SND1: variants seen among roughly 807,000 people sequenced by gnomAD.
SND1 encodes the protein staphylococcal nuclease domain-containing protein 1.
Under a neutral mutation model 121.7 loss-of-function variants are expected in SND1, and 38 were observed. That is an observed-to-expected ratio of 0.31 (90% CI 0.24 to 0.41). The LOEUF (loss-of-function observed/expected upper bound fraction) is 0.41. Ranked by LOEUF, SND1 falls within the 10% of genes least tolerant of loss-of-function variation. The pLI is 1.00. For synonymous variants in SND1, 401 were observed against 447.4 expected (o/e 0.90, Z 1.31); for missense variants, 868 against 1,184.6 (o/e 0.73, Z 3.92).
chr7:127,713,061 T>C (rs1248721136), intron 9 of SND1, among the ~76,000 whole-genome samples: 2 of 152,280 alleles, frequency 1.3e-5, no homozygotes, highest in Admixed American at 1.3e-4. Context: ...TCTAATATGT[T>C]GTAAAACAGG....
At chr7:127,759,891 CCT>C (rs1039733774) in intron 10 of SND1, among the ~76,000 whole-genome samples, 7 of 152,178 alleles carry the variant, frequency 4.6e-5, no homozygotes, top group African/African-American at 1.7e-4. Context: ...TATCATTTCC[CCT>C]GTGTGTAACA....
chr7:127,888,632 G>T (rs1799953959), intron 13 of SND1, among the ~76,000 whole-genome samples: 1 of 152,100 alleles, frequency 6.6e-6, no homozygotes, highest in Non-Finnish European at 1.5e-5. Flanking sequence ...CTTACTCAGG[G>T]AGTCTTTTGT....
intron 10 of SND1, among the ~76,000 whole-genome samples, chr7:127,736,473 A>T (rs913211551): frequency 1.3e-5 from 2 of 152,200 alleles, no homozygotes; most frequent in African/African-American, 4.8e-5. Flanking sequence ...ATTTTTGGAT[A>T]TATCAGTTAT....
intron 11 of SND1, among the ~76,000 whole-genome samples, chr7:127,817,774 A>T (rs77801229): frequency 0.027 from 2,227 of 83,960 alleles, 66 homozygotes; most frequent in African/African-American, 0.092. Flanking sequence ...TCTGTTCTGT[A>T]TTCCTGGTTC....
chr7:127,895,458 T>C (rs1422847165), intron 13 of SND1, among the ~76,000 whole-genome samples: 1 of 152,104 alleles, frequency 6.6e-6, no homozygotes, highest in Non-Finnish European at 1.5e-5. Context: ...AATGTCCTAA[T>C]GGCTTCCGTT....
intron 10 of SND1, among the ~76,000 whole-genome samples, chr7:127,725,569 A>G (rs1796567813): frequency 6.6e-6 from 1 of 152,280 alleles, no homozygotes; most frequent in Non-Finnish European, 1.5e-5. Context: ...TTGCGGAAAC[A>G]TGGAGTGCTT....
At chr7:127,974,097 G>T (rs1802061127) in intron 15 of SND1, among the ~76,000 whole-genome samples, 4 of 152,212 alleles carry the variant, frequency 2.6e-5, no homozygotes, top group Admixed American at 2.6e-4. Flanking sequence ...GTGTGTTCTG[G>T]CAGGGAAGAG....
intron 10 of SND1, among the ~76,000 whole-genome samples, chr7:127,730,777 T>C (rs1174412146): frequency 6.6e-6 from 1 of 152,236 alleles, no homozygotes; most frequent in Admixed American, 6.5e-5. Flanking sequence ...TTAGATAGTG[T>C]CTCATTGCAT....
At chr7:127,685,068 A>G (rs1243308009) in intron 1 of SND1, among the ~76,000 whole-genome samples, 1 of 152,156 alleles carries the variant, frequency 6.6e-6, no homozygotes, top group African/African-American at 2.4e-5. Context: ...AGAGGGGCAC[A>G]TGGATTCCAA....
rs561877879 is a variant in SND1, at chr7:127,851,828, C to T, written c.1343+7404C>T. 1.4e-4 allele frequency among the ~76,000 whole-genome samples: 21 copies of T among 152,232 alleles called. No individual in the cohort carries two copies. In the South Asian group the frequency reaches 4.4e-3, roughly 32 times the overall value. On this transcript the variant is annotated intron_variant, in intron 12 of 23. Transcript: ENST00000354725. Reference sequence around the variant, plus strand: ...TTCTTAGTTTATGAATACAATTTGTCTCTAATATCTCTGAGAACATTTAAA... The same window carrying T: ...TTCTTAGTTTATGAATACAATTTGTTTCTAATATCTCTGAGAACATTTAAA...
chr7:128,071,956 C>T (rs1311959682), intron 16 of SND1, among the ~76,000 whole-genome samples: 2 of 152,204 alleles, frequency 1.3e-5, no homozygotes, highest in African/African-American at 4.8e-5. Flanking sequence ...ATATCGATTG[C>T]AGGCGACAGG....
chr7:127,979,449 C>A (rs1193337), intron 15 of SND1, among the ~76,000 whole-genome samples: 16,923 of 152,182 alleles, frequency 0.11, 1,211 homozygotes, highest in Admixed American at 0.22. Flanking sequence ...TTCTGATTGG[C>A]TCTTTTAAAG....
Position 128,091,895 on chromosome 7 carries a change from T to C in SND1, c.2667+14T>C. 1.9e-6 allele frequency: 3 copies of C among 1,614,118 alleles called. No individual in the cohort carries two copies. The highest frequency in any genetic ancestry group is 2.5e-6 in the Non-Finnish European group (3 of 1,179,968). ...AAGAGCGCCAGGGTGAGTTCTTACC[T>C]TGGGAGCCCCCAGAGGGTACCGAGT... On this transcript the variant is annotated intron_variant, in intron 23 of 23. Coordinates refer to ENST00000354725, the MANE Select transcript of SND1 (RefSeq NM_014390.4).
chr7:127,817,429 A>G (rs766723649), intron 11 of SND1, among the ~76,000 whole-genome samples: 1 of 152,164 alleles, frequency 6.6e-6, no homozygotes, highest in Non-Finnish European at 1.5e-5. Flanking sequence ...TCTTCTGTCT[A>G]TGCCATCTTG....
At chr7:127,690,893 C>T (rs1221326920) in intron 2 of SND1, among the ~76,000 whole-genome samples, 1 of 152,120 alleles carries the variant, frequency 6.6e-6, no homozygotes, top group Non-Finnish European at 1.5e-5. Flanking sequence ...TATTCTTTGC[C>T]TTCTGTCATG....
chr7:127,755,739 G>A (rs1053903916), intron 10 of SND1, among the ~76,000 whole-genome samples: 2 of 152,214 alleles, frequency 1.3e-5, no homozygotes, highest in African/African-American at 4.8e-5. Flanking sequence ...GTTTCAGACC[G>A]GCTCCCTGTA....
chr7:127,873,416 A>G (rs572573549), intron 12 of SND1, among the ~76,000 whole-genome samples: 4 of 152,068 alleles, frequency 2.6e-5, no homozygotes, highest in Admixed American at 1.3e-4. Flanking sequence ...GATTTGCCCA[A>G]CCACCCACCT....
chr7:127,986,410 G>C (rs997904824), intron 15 of SND1, among the ~76,000 whole-genome samples: 1 of 152,202 alleles, frequency 6.6e-6, no homozygotes, highest in African/African-American at 2.4e-5. Context: ...GTAAGATTTT[G>C]TGTCCAGAGA....
At chr7:128,024,181 G>T (rs1173519944) in intron 16 of SND1, among the ~76,000 whole-genome samples, 1 of 151,954 alleles carries the variant, frequency 6.6e-6, no homozygotes, top group African/African-American at 2.4e-5. Flanking sequence ...TTATCCTACT[G>T]TCCAAAACAT....
Sources: allele counts gnomAD v4.1 joint callset (sites outside exome capture counted in the v4.1 genomes callset), GRCh38; gene constraint gnomAD v4.1.1; transcripts MANE v1.5; gene names NCBI Gene and HGNC (gene_info 2026-07-23, HGNC 2026-07-21).